Variants in FTCD observed in about 807,000 individuals in gnomAD.
The protein encoded by FTCD is formimidoyltransferase cyclodeaminase.
In FTCD, 76 loss-of-function variants were observed where a neutral mutation model predicts 62.9. That is an observed-to-expected ratio of 1.21 (90% CI 1.00 to 1.46). The LOEUF (loss-of-function observed/expected upper bound fraction) is 1.46. FTCD is among the 40% of genes most tolerant of loss of function. The pLI is 0.00. For synonymous variants in FTCD, 397 were observed against 336.9 expected (o/e 1.18, Z -1.95); for missense variants, 845 against 751.3 (o/e 1.12, Z -1.46).
chr21:46,150,554 G>C, intron 5 of FTCD, 29 bp from the exon 6 acceptor site: 4 of 1,612,218 alleles, frequency 2.5e-6, no homozygotes, highest in South Asian at 1.1e-5. Context: ...CCCCAGCCTG[G>C]ACTAGGAAGC....
intron 5 of FTCD, among the ~76,000 whole-genome samples, chr21:46,150,932 G>T (rs925929815): frequency 6.6e-6 from 1 of 152,366 alleles, no homozygotes; most frequent in South Asian, 2.1e-4. Flanking sequence ...CACGTGGGGG[G>T]ACTCTGACCT....
chr21:46,137,238 C>T lies in FTCD; in HGVS notation c.1539+1G>A, dbSNP rs2078889822. 6.2e-7 allele frequency: 1 copy of T among 1,610,296 alleles called. No individual in the cohort carries two copies. Among genetic ancestry groups the T allele is most frequent in the Non-Finnish European group, 8.5e-7 (1 of 1,176,688 alleles). Reference sequence around the variant, plus strand: ...GGGCACCACACCTGCCTCCTGCTCACCTGGTCCTTAAATGCCTCGTCTGTG... The same window carrying T: ...GGGCACCACACCTGCCTCCTGCTCATCTGGTCCTTAAATGCCTCGTCTGTG... On this transcript the variant is annotated splice_donor_variant, in intron 13 of 13. Transcript: ENST00000397746. LOFTEE classifies it high-confidence loss of function.
chr21:46,148,752 G>A (rs2079204453), intron 7 of FTCD, among the ~76,000 whole-genome samples: 1 of 152,238 alleles, frequency 6.6e-6, no homozygotes, highest in Admixed American at 6.5e-5. Flanking sequence ...TGAAGGACAA[G>A]GAAGACAGGA....
In FTCD at chr21:46,139,031, C is replaced by A. The variant is rs941154148; in HGVS notation, c.1261-108G>T. On this transcript the variant is annotated intron_variant, in intron 10 of 13. Transcript: ENST00000397746. ...CAAGGAGCATGTCCCAGGCAGGGACCAGTTCTCTGGGAACCAAGCTTCTGT... is the reference window on the plus strand; with the variant it reads ...CAAGGAGCATGTCCCAGGCAGGGACAAGTTCTCTGGGAACCAAGCTTCTGT... 1.1e-4 allele frequency: 94 copies of A among 867,796 alleles called. No homozygotes were observed. The South Asian group carries it at 1.2e-3, about 11-fold the overall frequency. The allele number at this position is 867,796 out of a possible 1,614,324, so 53.8% of individuals were successfully genotyped here.
rs904250377 is a variant in FTCD at position 46,150,499 on chromosome 21, G to T, written c.663C>A (p.Gly221=). The part of the protein sequence containing the change: ...DQPGRLKKVQ[G]IGWYLDEKNL... The stretch of plus-strand genomic sequence containing the variant: ...TCTTCTCATCCAGGTACCAGCCAAT[G>T]CCCTGAACTTTCTTCAGACGTCCTG... Residue 221 remains glycine, a synonymous_variant, in exon 6 of 14, where the codon GGC becomes GGA. Transcript: ENST00000397746. The T allele has an allele frequency of 3.0e-5, 48 of 1,613,210 alleles. No homozygotes were observed. The highest frequency in any genetic ancestry group is 4.1e-5 in the Non-Finnish European group (48 of 1,179,918).
intron 7 of FTCD, among the ~76,000 whole-genome samples, chr21:46,148,521 A>C (rs1422853336): frequency 1.3e-5 from 2 of 152,182 alleles, no homozygotes; most frequent in Non-Finnish European, 2.9e-5. Context: ...TGAGAGGCTG[A>C]GGTGGGAAGA....
At position 46,154,252 on chromosome 21, in the gene FTCD, G is replaced by A. The variant is rs2123585646; in HGVS notation, c.135C>T (p.Asn45=). Reference sequence around the variant, plus strand: ...GCCCCACGAAGGTGTACACGGTGCGGTTGGTGGAAGGGCCTGCGTCCACAT... The same window carrying A: ...GCCCCACGAAGGTGTACACGGTGCGATTGGTGGAAGGGCCTGCGTCCACAT... ...LLDVDAGPST[N]RTVYTFVGPP... Residue 45 remains asparagine (N), a synonymous_variant, in exon 2 of 14, where the codon AAC becomes AAT. Transcript: ENST00000397746. The A allele has an allele frequency of 1.2e-6, 2 of 1,612,750 alleles. No individual in the cohort carries two copies. The highest frequency in any genetic ancestry group is 1.3e-5 in the African/African-American group (1 of 75,060).
chr21:46,142,879 A>T (rs2079053085), intron 10 of FTCD: 1 of 152,216 alleles, frequency 6.6e-6, no homozygotes, highest in African/African-American at 2.4e-5. Flanking sequence ...GACACAGAGC[A>T]CTGACTGGTG....
In FTCD at chr21:46,140,893, C is replaced by T. The variant is rs571480797; in HGVS notation, c.1261-1970G>A. Among the ~76,000 whole-genome samples, 79 of 136,818 alleles carry T rather than the reference C, an allele frequency of 5.8e-4. 2 individuals carry two copies. In the East Asian group the frequency reaches 0.016, roughly 28 times the overall value. The allele number at this position is 136,818 out of a possible 152,430, so 89.8% of individuals were successfully genotyped here. A position where few individuals can be genotyped will look rare whatever the true frequency, so the allele number is the denominator to read the frequency against. Reference sequence around the variant, plus strand: ...CTGCCTTCACATTGCTCACAGGGAGCGTAAACCAATCCAGCACTCCCCGTC... The same window carrying T: ...CTGCCTTCACATTGCTCACAGGGAGTGTAAACCAATCCAGCACTCCCCGTC... On this transcript the variant is annotated intron_variant, in intron 10 of 13. Transcript: ENST00000397746.
intron 7 of FTCD, among the ~76,000 whole-genome samples, chr21:46,147,715 G>C (rs888263625): frequency 2.6e-5 from 4 of 151,598 alleles, no homozygotes; most frequent in Non-Finnish European, 5.9e-5. Context: ...GAGGCGGACG[G>C]ATCACGAGGT....
chr21:46,150,128 C>A lies in FTCD; in HGVS notation c.897G>T (p.Arg299=). 1 of 1,491,672 alleles carries A rather than the reference C, an allele frequency of 6.7e-7. No individual in the cohort carries two copies. Among genetic ancestry groups the A allele is most frequent in the Non-Finnish European group, 9.1e-7 (1 of 1,103,462 alleles). 92.4% of individuals were successfully genotyped at this position (1,491,672 alleles called of 1,614,324 possible). The change falls in exon 7 of 14, where the codon CGG becomes CGT. Residue 299 remains arginine (R), a synonymous_variant. Transcript: ENST00000397746. The stretch of plus-strand genomic sequence containing the variant: ...CGGCAGCCCGGCCCACCAGCCTGAT[C>A]CGCTGCTCCTCCTCCAGGATGAAGA... ...ENLFILEEEQ[R]IRLVVSRLGL... is the part of the protein sequence containing the mutation.
At chr21:46,138,948 G>A (rs375497689) in intron 10 of FTCD, 25 bp from the exon 11 acceptor site, 1 of 1,599,532 alleles carries the variant, frequency 6.3e-7, no homozygotes. Flanking sequence ...CAGAACCACT[G>A]GGCGAGGGAC....
chr21:46,151,998 G>A lies in FTCD; in HGVS notation c.368-18C>T, dbSNP rs775389167. 1.2e-5 allele frequency: 18 copies of A among 1,540,494 alleles called. No homozygotes were observed. Among genetic ancestry groups the A allele is most frequent in the Admixed American group, 3.9e-5 (2 of 51,250 alleles). On this transcript the variant is annotated intron_variant, in intron 3 of 13. Coordinates refer to ENST00000397746, the MANE Select transcript of FTCD (RefSeq NM_206965.2). ...CAGGTAAACTGCAGGAGAGCCCGGC[G>A]GTCAGGCCTGGACCGGCAGGGGGTC...
intron 10 of FTCD, among the ~76,000 whole-genome samples, chr21:46,142,902 A>G (rs1039326255): frequency 1.3e-5 from 2 of 152,128 alleles, no homozygotes; most frequent in Non-Finnish European, 2.9e-5. Context: ...TTTTTACAAT[A>G]CTTTAGCTAG....
chr21:46,144,861 G>A (rs1249486445), intron 10 of FTCD, among the ~76,000 whole-genome samples: 1 of 150,204 alleles, frequency 6.7e-6, no homozygotes, highest in African/African-American at 2.5e-5. Context: ...TGAGCACCCA[G>A]CACCCATCTG....
chr21:46,145,270 C>T, intron 10 of FTCD, 147 bp downstream of exon 10: 2 of 666,342 alleles, frequency 3.0e-6, no homozygotes. Context: ...TGGTCAAGGT[C>T]CAGACAGCGG....
intron 10 of FTCD, 104 bp from the exon 11 acceptor site, chr21:46,139,027 G>C (rs909629301): frequency 1.1e-6 from 1 of 887,800 alleles, no homozygotes. Flanking sequence ...TCCCAGGCAG[G>C]GACCAGTTCT....
chr21:46,141,612 C>T (rs572868454), intron 10 of FTCD, among the ~76,000 whole-genome samples: 5 of 151,862 alleles, frequency 3.3e-5, no homozygotes, highest in African/African-American at 9.7e-5. Context: ...ACACATTCCA[C>T]GACATAAAGA....
At chr21:46,142,670 A>G (rs9983829) in intron 10 of FTCD, 2 of 151,846 alleles carry the variant, frequency 1.3e-5, no homozygotes, top group Non-Finnish European at 1.5e-5. Context: ...CAAAAGAACA[A>G]AGCCCCCACA....
Sources: gnomAD v4.1 joint callset for allele counts (sites outside exome capture counted in the v4.1 genomes callset) on GRCh38, gnomAD v4.1.1 for gene constraint, MANE v1.5 for transcripts, NCBI Gene and HGNC (gene_info 2026-07-23, HGNC 2026-07-21) for gene names.